The following RPS6KC1 variants were observed in gnomAD, a reference collection of about 807,000 sequenced individuals.
The protein encoded by RPS6KC1 is inactive ribosomal protein S6 kinase delta-1.
RPS6KC1 carries 54 observed loss-of-function variants against 103.8 expected under a neutral mutation model. The ratio of observed to expected loss-of-function variants is 0.52; its 90% CI spans 0.42 to 0.65. The LOEUF is 0.65. Among genes scored for constraint, RPS6KC1 ranks in the 30% least tolerant of loss-of-function variants. The pLI is 0.00. For missense variants in RPS6KC1, 1,151 were observed against 1,253.8 expected, an observed-to-expected ratio of 0.92 and a Z score of 1.24; for synonymous variants, 439 against 438.7, an observed-to-expected ratio of 1.00 and a Z score of -0.01.
At chr1:213,443,274 C>T in the RPS6KC1 span, among the ~76,000 whole-genome samples, 431 of 152,240 alleles carry the variant, frequency 2.8e-3, 5 homozygotes, top group African/African-American at 9.9e-3. Context: ...TTCACTTTTA[C>T]CTGTCAGAAA....
At chr1:213,381,134 G>A in the RPS6KC1 span, among the ~76,000 whole-genome samples, 1 of 152,214 alleles carries the variant, frequency 6.6e-6, no homozygotes, top group Non-Finnish European at 1.5e-5. Flanking sequence ...GTGGGACTGG[G>A]AAGAGGGTGT....
chr1:213,775,590 C>T, the RPS6KC1 span, among the ~76,000 whole-genome samples: 1 of 152,154 alleles, frequency 6.6e-6, no homozygotes. Context: ...TGCTAATGAT[C>T]ATTTGAGCCT....
chr1:213,292,537 C>T, the RPS6KC1 span, among the ~76,000 whole-genome samples: 1 of 152,148 alleles, frequency 6.6e-6, no homozygotes, highest in African/African-American at 2.4e-5. Flanking sequence ...CTGTGACACC[C>T]CTCCTGGCAT....
chr1:213,643,970 G>A, the RPS6KC1 span, among the ~76,000 whole-genome samples: 23 of 151,990 alleles, frequency 1.5e-4, no homozygotes, highest in East Asian at 3.9e-4. Flanking sequence ...ACCATACCGC[G>A]TCATGATGAA....
At chr1:213,124,356 C>T (rs2084735499) in intron 5 of RPS6KC1, among the ~76,000 whole-genome samples, 2 of 152,152 alleles carry the variant, frequency 1.3e-5, no homozygotes, top group African/African-American at 4.8e-5. Context: ...CAAATAGTCT[C>T]TGTATTATGT....
At chr1:213,140,951 C>T (rs2086956114) in intron 6 of RPS6KC1, among the ~76,000 whole-genome samples, 1 of 147,434 alleles carries the variant, frequency 6.8e-6, no homozygotes, top group East Asian at 2.0e-4. Flanking sequence ...GGTGGGAGTG[C>T]AATGGCGTGA....
the RPS6KC1 span, among the ~76,000 whole-genome samples, chr1:213,359,933 G>C: frequency 6.6e-6 from 1 of 152,196 alleles, no homozygotes; most frequent in Non-Finnish European, 1.5e-5. Context: ...TCAGCTGTTA[G>C]TCTGATGGGC....
chr1:213,602,108 CTTTCTTTCTTTCTCTTTCTT>C, the RPS6KC1 span, among the ~76,000 whole-genome samples: 6 of 35,134 alleles, frequency 1.7e-4, no homozygotes, highest in South Asian at 1.1e-3. Context: ...TTCTTTCTTT[CTTTCTTTCTTTCTCTTTCTT>C]TCTTTCTTTC....
chr1:213,640,190 T>C, the RPS6KC1 span, among the ~76,000 whole-genome samples: 2 of 152,006 alleles, frequency 1.3e-5, no homozygotes, highest in Non-Finnish European at 2.9e-5. Flanking sequence ...ATCATGCATA[T>C]AGTATTCTGT....
At chr1:213,393,634 A>G in the RPS6KC1 span, among the ~76,000 whole-genome samples, 6 of 152,158 alleles carry the variant, frequency 3.9e-5, no homozygotes, top group South Asian at 1.2e-3. Context: ...GCTTTTTGCT[A>G]TTTGGTCCTT....
the RPS6KC1 span, among the ~76,000 whole-genome samples, chr1:213,375,667 G>A: frequency 1.3e-5 from 2 of 152,164 alleles, no homozygotes; most frequent in African/African-American, 4.8e-5. Context: ...AAAAGACCTA[G>A]GTAAAATGGT....
intron 2 of RPS6KC1, among the ~76,000 whole-genome samples, chr1:213,075,044 G>C (rs1281271593): frequency 4.0e-5 from 6 of 151,272 alleles, no homozygotes; most frequent in Admixed American, 6.6e-5. Context: ...GTAGAGATGG[G>C]GTTTCATTGT....
chr1:213,281,040 A>G, the RPS6KC1 span, among the ~76,000 whole-genome samples: 1 of 151,762 alleles, frequency 6.6e-6, no homozygotes, highest in Non-Finnish European at 1.5e-5. Context: ...CCACCCACAC[A>G]CACACTGATT....
chr1:213,052,952 A>G (rs2077067625), intron 1 of RPS6KC1, among the ~76,000 whole-genome samples: 2 of 152,286 alleles, frequency 1.3e-5, no homozygotes, highest in African/African-American at 2.4e-5. Context: ...ATAGATGAAC[A>G]TGTCTGTATA....
the RPS6KC1 span, among the ~76,000 whole-genome samples, chr1:213,665,924 T>C: frequency 6.6e-6 from 1 of 152,218 alleles, no homozygotes; most frequent in Non-Finnish European, 1.5e-5. Context: ...TTAAAGAAGA[T>C]TTTAAAAAAC....
chr1:213,796,611 A>C, the RPS6KC1 span, among the ~76,000 whole-genome samples: 1 of 152,308 alleles, frequency 6.6e-6, no homozygotes, highest in East Asian at 1.9e-4. Context: ...GTATCACAAC[A>C]GTCACAGGCG....
At chr1:213,574,267 CCTT>C in the RPS6KC1 span, among the ~76,000 whole-genome samples, 9 of 152,234 alleles carry the variant, frequency 5.9e-5, no homozygotes, top group Admixed American at 5.2e-4. Flanking sequence ...GTTTATTTCT[CCTT>C]CTTTCTCTCC....
chr1:213,107,465 A>C (rs530936638), intron 4 of RPS6KC1, among the ~76,000 whole-genome samples: 20 of 152,146 alleles, frequency 1.3e-4, no homozygotes, highest in Non-Finnish European at 2.6e-4. Flanking sequence ...AGCTTCATTC[A>C]TGTTATGTAT....
chr1:213,612,487 GT>G, the RPS6KC1 span, among the ~76,000 whole-genome samples: 1 of 152,120 alleles, frequency 6.6e-6, no homozygotes, highest in Admixed American at 6.6e-5. Context: ...ATTCATTTCA[GT>G]TTCCTCTTCA....
Sources: allele counts gnomAD v4.1 joint callset (sites outside exome capture counted in the v4.1 genomes callset), GRCh38; gene constraint gnomAD v4.1.1; transcripts MANE v1.5; gene names NCBI Gene and HGNC (gene_info 2026-07-23, HGNC 2026-07-21).